MYLK4: variants seen among roughly 807,000 people sequenced by gnomAD.
MYLK4 encodes the protein caMLCK like.
A neutral mutation model predicts 48.1 loss-of-function variants in MYLK4; 46 were observed. The ratio of observed to expected loss-of-function variants is 0.96; its 90% confidence interval spans 0.75 to 1.22. The LOEUF (loss-of-function observed/expected upper bound fraction) is 1.22, where lower values mean the gene tolerates loss of function less well. Ranked by LOEUF, MYLK4 falls within the 50% of genes most tolerant of loss-of-function variation. MYLK4 has a pLI of 0.00. For missense variants in MYLK4, 451 were observed against 486.1 expected (o/e 0.93, Z 0.68); for synonymous variants, 170 against 180.8 (o/e 0.94, Z 0.48).
intron 2 of MYLK4, among the ~76,000 whole-genome samples, chr6:2,710,790 G>A (rs1469941378): frequency 2.0e-5 from 3 of 152,190 alleles, no homozygotes; most frequent in Non-Finnish European, 4.4e-5. Flanking sequence ...TAGACACATG[G>A]CTTTCAGTGT....
intron 2 of MYLK4, among the ~76,000 whole-genome samples, chr6:2,724,248 A>G (rs1165279995): frequency 3.3e-5 from 5 of 152,200 alleles, no homozygotes; most frequent in African/African-American, 1.2e-4. Flanking sequence ...GGCGATACAC[A>G]TAGAGGACTT....
chr6:2,704,644 T>C (rs1340727876), intron 2 of MYLK4, among the ~76,000 whole-genome samples: 1 of 152,228 alleles, frequency 6.6e-6, no homozygotes, highest in Non-Finnish European at 1.5e-5. Context: ...ATGAATACTT[T>C]TGATCATGGG....
chr6:2,665,408 C>A lies in MYLK4; in HGVS notation c.*2517G>T, dbSNP rs183161041. ...CCCTCAGCACTCATATAAAAGGCACCCTGCTGGCATGGAGATGCCTTCCCA... is the reference window on the plus strand; with the variant it reads ...CCCTCAGCACTCATATAAAAGGCACACTGCTGGCATGGAGATGCCTTCCCA... On this transcript the variant is annotated 3_prime_UTR_variant, in exon 13 of 13. Transcript: ENST00000274643. The A allele has an allele frequency of 6.6e-6, 1 of 152,214 alleles. No individual in the cohort carries two copies. The highest frequency in any genetic ancestry group is 2.1e-4 in the South Asian group (1 of 4,820). The allele number at this position is 152,214 out of a possible 1,614,324, so 9.4% of individuals were successfully genotyped here. A position where few individuals can be genotyped will look rare whatever the true frequency, so the allele number is the denominator to read the frequency against.
chr6:2,725,507 G>GAGAGAGAC (rs1028211777), intron 2 of MYLK4, among the ~76,000 whole-genome samples: 2 of 146,862 alleles, frequency 1.4e-5, no homozygotes, highest in Non-Finnish European at 3.0e-5. Flanking sequence ...GGGGGAGAGA[G>GAGAGAGAC]AGAGAGACAG....
intron 2 of MYLK4, among the ~76,000 whole-genome samples, chr6:2,725,535 C>T (rs1159820617): frequency 1.8e-5 from 2 of 110,330 alleles, no homozygotes; most frequent in Admixed American, 8.9e-5. Flanking sequence ...GAAAAAGAAA[C>T]AAAGAAAGAA....
At chr6:2,752,517 C>G (rs1014731115), upstream of MYLK4, among the ~76,000 whole-genome samples, 4 of 151,976 alleles carry the variant, frequency 2.6e-5, no homozygotes, top group East Asian at 3.9e-4. Flanking sequence ...TGGTAGACAC[C>G]TTTGCATATT....
At chr6:2,725,930 T>C (rs1763256678) in intron 2 of MYLK4, among the ~76,000 whole-genome samples, 1 of 152,202 alleles carries the variant, frequency 6.6e-6, no homozygotes, top group Non-Finnish European at 1.5e-5. Flanking sequence ...GCTCTCTATT[T>C]CATAAGGCGC....
intron 2 of MYLK4, among the ~76,000 whole-genome samples, chr6:2,706,350 C>CT (rs11340237): frequency 6.7e-4 from 98 of 146,278 alleles, no homozygotes; most frequent in East Asian, 4.9e-3. Flanking sequence ...TCTAAAGTGA[C>CT]TTTTTTTTTT....
intron 2 of MYLK4, among the ~76,000 whole-genome samples, chr6:2,736,086 C>T (rs991947116): frequency 6.6e-6 from 1 of 152,172 alleles, no homozygotes; most frequent in Non-Finnish European, 1.5e-5. Flanking sequence ...CCCCAAAGCA[C>T]ATCTCATAGC....
intron 6 of MYLK4, 73 bp from the exon 7 acceptor site, chr6:2,683,235 G>A: frequency 6.5e-7 from 1 of 1,546,446 alleles, no homozygotes; most frequent in South Asian, 1.1e-5. Flanking sequence ...GTAGTGACTT[G>A]TCGTGCAAGT....
At chr6:2,732,318 C>T (rs564875500) in intron 2 of MYLK4, among the ~76,000 whole-genome samples, 3 of 152,114 alleles carry the variant, frequency 2.0e-5, no homozygotes, top group Non-Finnish European at 2.9e-5. Flanking sequence ...AGAACAATGG[C>T]GCTAACCCCA....
intron 2 of MYLK4, among the ~76,000 whole-genome samples, chr6:2,715,360 T>C (rs1035992973): frequency 6.6e-6 from 1 of 152,176 alleles, no homozygotes; most frequent in African/African-American, 2.4e-5. Flanking sequence ...TGAATGTACT[T>C]AGCATCATTG....
chr6:2,747,657 C>T (rs1470178672), intron 2 of MYLK4, among the ~76,000 whole-genome samples: 3 of 152,182 alleles, frequency 2.0e-5, no homozygotes, highest in Non-Finnish European at 4.4e-5. Context: ...TCCTGCTTAT[C>T]TCACTCTTTA....
intron 2 of MYLK4, among the ~76,000 whole-genome samples, chr6:2,735,355 A>G (rs1763633513): frequency 1.4e-5 from 2 of 145,120 alleles, no homozygotes; most frequent in Non-Finnish European, 3.0e-5. Flanking sequence ...CAGTCTAGAA[A>G]TGATTAAAAT....
intron 2 of MYLK4, among the ~76,000 whole-genome samples, chr6:2,732,657 G>T (rs1763517511): frequency 6.6e-6 from 1 of 151,970 alleles, no homozygotes; most frequent in Admixed American, 6.6e-5. Context: ...AGTGACCCCC[G>T]AGACCCACTG....
chr6:2,767,876 A>T, the MYLK4 span, among the ~76,000 whole-genome samples: 1 of 152,218 alleles, frequency 6.6e-6, no homozygotes, highest in Non-Finnish European at 1.5e-5. Flanking sequence ...TCCAAAAGGC[A>T]GGCAGGCGGG....
chr6:2,756,198 A>G, the MYLK4 span, among the ~76,000 whole-genome samples: 2 of 152,120 alleles, frequency 1.3e-5, no homozygotes, highest in South Asian at 4.2e-4. Flanking sequence ...GTATTCTTTT[A>G]TAAAGAAGAG....
chr6:2,703,695 G>A (rs765532898), intron 2 of MYLK4, among the ~76,000 whole-genome samples: 5 of 71,504 alleles, frequency 7.0e-5, no homozygotes, highest in Admixed American at 2.0e-4. Flanking sequence ...TTTTTGAGAC[G>A]GAGTCTTGCT....
At chr6:2,748,261 C>T (rs140501625) in intron 2 of MYLK4, among the ~76,000 whole-genome samples, 2 of 152,300 alleles carry the variant, frequency 1.3e-5, no homozygotes, top group South Asian at 2.1e-4. Flanking sequence ...TATTTGTTTC[C>T]GTTACTAGGA....
Sources: gnomAD v4.1 joint callset for allele counts (sites outside exome capture counted in the v4.1 genomes callset) on GRCh38, gnomAD v4.1.1 for gene constraint, MANE v1.5 for transcripts, NCBI Gene and HGNC (gene_info 2026-07-23, HGNC 2026-07-21) for gene names.